Variants in LRRC37A2 observed in about 807,000 individuals in gnomAD.
The protein encoded by LRRC37A2 is leucine-rich repeat-containing protein 37A2.
LRRC37A2 carries 9 observed loss-of-function variants against 68.8 expected under a neutral mutation model. The observed-to-expected ratio is 0.13, with a 90% CI of 0.08 to 0.23. The LOEUF (loss-of-function observed/expected upper bound fraction) is 0.23. LRRC37A2 is among the 10% of genes least tolerant of loss of function. LRRC37A2 has a pLI of 1.00. For synonymous variants in LRRC37A2, 63 were observed against 367.6 expected, an observed-to-expected ratio of 0.17 and a Z score of 9.48; for missense variants, 168 against 950.4, an observed-to-expected ratio of 0.18 and a Z score of 10.82.
At chr17:46,821,880 A>G in the LRRC37A2 span, among the ~76,000 whole-genome samples, 1 of 152,166 alleles carries the variant, frequency 6.6e-6, no homozygotes, top group Non-Finnish European at 1.5e-5. Context: ...CACCGTGTAG[A>G]CAAAGAATCC....
chr17:46,773,935 A>C, the LRRC37A2 span: 1 of 1,607,070 alleles, frequency 6.2e-7, no homozygotes, highest in South Asian at 1.1e-5. Flanking sequence ...GGGTAGTAAC[A>C]CTGTGGGCAC....
chr17:46,889,139 A>T, the LRRC37A2 span, among the ~76,000 whole-genome samples: 1 of 152,124 alleles, frequency 6.6e-6, no homozygotes, highest in Non-Finnish European at 1.5e-5. Flanking sequence ...TTCGTATCCT[A>T]GACTTAGAAC....
chr17:46,851,732 C>G, the LRRC37A2 span: 1 of 1,252,646 alleles, frequency 8.0e-7, no homozygotes, highest in Non-Finnish European at 1.0e-6. The surrounding 1 kb of genome is among the most constrained non-coding windows in gnomAD (Gnocchi z 4.3). Context: ...GCCCGCCGCG[C>G]CCCCCGCCCG....
chr17:46,960,193 G>C, the LRRC37A2 span, among the ~76,000 whole-genome samples: 1 of 152,118 alleles, frequency 6.6e-6, no homozygotes, highest in Non-Finnish European at 1.5e-5. Context: ...CTTTTAAAAA[G>C]CAAAAGACAC....
At chr17:46,987,431 C>T in the LRRC37A2 span, among the ~76,000 whole-genome samples, 1 of 152,098 alleles carries the variant, frequency 6.6e-6, no homozygotes, top group Non-Finnish European at 1.5e-5. Context: ...AAAAATAAAA[C>T]AACTCTTTTT....
the LRRC37A2 span, among the ~76,000 whole-genome samples, chr17:46,774,625 A>G: frequency 6.6e-6 from 1 of 152,208 alleles, no homozygotes; most frequent in African/African-American, 2.4e-5. Flanking sequence ...CTCACTGCCC[A>G]CACCCAACAC....
At chr17:46,813,558 A>G in the LRRC37A2 span, among the ~76,000 whole-genome samples, 2 of 151,904 alleles carry the variant, frequency 1.3e-5, no homozygotes, top group Non-Finnish European at 2.9e-5. Context: ...CAGCTGGAGA[A>G]GGTTTCTGTG....
At chr17:46,495,044 T>C in the LRRC37A2 span, among the ~76,000 whole-genome samples, 5 of 148,550 alleles carry the variant, frequency 3.4e-5, no homozygotes, top group Non-Finnish European at 1.5e-5. Context: ...TAATCTCTCA[T>C]ATATGAATGA....
the LRRC37A2 span, chr17:46,885,810 C>T: frequency 6.6e-6 from 1 of 152,346 alleles, no homozygotes; most frequent in African/African-American, 2.4e-5. Context: ...CACACGGCCT[C>T]CTTATTGCCC....
the LRRC37A2 span, among the ~76,000 whole-genome samples, chr17:46,808,684 C>T: frequency 2.0e-4 from 31 of 152,300 alleles, no homozygotes; most frequent in African/African-American, 7.0e-4. Context: ...AGAGAAACAA[C>T]TTCTGCCAAT....
the LRRC37A2 span, among the ~76,000 whole-genome samples, chr17:46,810,246 G>C: frequency 6.6e-6 from 1 of 152,042 alleles, no homozygotes; most frequent in Non-Finnish European, 1.5e-5. Flanking sequence ...GACCTCAGGT[G>C]ATCCACCCGC....
At chr17:46,888,412 G>A in the LRRC37A2 span, among the ~76,000 whole-genome samples, 1 of 152,170 alleles carries the variant, frequency 6.6e-6, no homozygotes, top group African/African-American at 2.4e-5. Context: ...CTCAATTATG[G>A]TTGCTGTCAT....
At chr17:46,723,049 T>C in the LRRC37A2 span, among the ~76,000 whole-genome samples, 1 of 152,182 alleles carries the variant, frequency 6.6e-6, no homozygotes, top group Non-Finnish European at 1.5e-5. Flanking sequence ...TGAAGTGATT[T>C]GGAATGCTTT....
the LRRC37A2 span, among the ~76,000 whole-genome samples, chr17:46,724,219 G>A: frequency 2.0e-5 from 3 of 152,304 alleles, no homozygotes; most frequent in Admixed American, 1.3e-4. Context: ...TTAGGAAACT[G>A]TCCTGACTCC....
At chr17:46,722,126 C>T in the LRRC37A2 span, 2 of 1,611,928 alleles carry the variant, frequency 1.2e-6, no homozygotes, top group South Asian at 1.1e-5. Flanking sequence ...CGTCCGGCTT[C>T]TCGCCATTGG....
the LRRC37A2 span, among the ~76,000 whole-genome samples, chr17:46,970,748 G>C: frequency 6.6e-6 from 1 of 152,164 alleles, no homozygotes; most frequent in African/African-American, 2.4e-5. Context: ...AGTGATGTTT[G>C]CATAAAAGAG....
At chr17:46,846,823 G>A in the LRRC37A2 span, among the ~76,000 whole-genome samples, 3 of 152,198 alleles carry the variant, frequency 2.0e-5, no homozygotes, top group African/African-American at 7.2e-5. Flanking sequence ...AGAAGGCCTC[G>A]AACTGGAAGT....
At chr17:46,773,649 C>T in the LRRC37A2 span, 14 of 1,542,212 alleles carry the variant, frequency 9.1e-6, no homozygotes, top group East Asian at 4.9e-5. Flanking sequence ...CTCCCCCCCC[C>T]TCAGCCCCAA....
At chr17:47,022,203 C>CTTTTT in the LRRC37A2 span, among the ~76,000 whole-genome samples, 2 of 43,914 alleles carry the variant, frequency 4.6e-5, no homozygotes, top group African/African-American at 6.1e-5. Flanking sequence ...CAGGTTCTTA[C>CTTTTT]TTTGTCCTCT....
Sources: gnomAD v4.1 joint callset for allele counts (sites outside exome capture counted in the v4.1 genomes callset) on GRCh38, gnomAD v4.1.1 for gene constraint, Gnocchi (gnomAD v3.1) non-coding constraint, MANE v1.5 for transcripts, NCBI Gene and HGNC (gene_info 2026-07-23, HGNC 2026-07-21) for gene names.